Variants in NRG1 observed in about 807,000 individuals in gnomAD.
NRG1 encodes the protein pro-neuregulin-1, membrane-bound isoform.
A neutral mutation model predicts 63.8 loss-of-function variants in NRG1; 18 were observed. That is an observed-to-expected ratio of 0.28 (90% CI 0.19 to 0.42). The LOEUF (loss-of-function observed/expected upper bound fraction) is 0.42. NRG1 is among the 10% of genes least tolerant of loss of function. The probability of loss-of-function intolerance (pLI) is 1.00; values close to 1 mark genes in which losing one functional copy is unlikely to be tolerated. For missense variants in NRG1, 762 were observed against 814.7 expected, an observed-to-expected ratio of 0.94 and a Z score of 0.79; for synonymous variants, 302 against 301.3, an observed-to-expected ratio of 1.00 and a Z score of -0.02.
At chr8:32,638,783 T>C (rs1175292830) in intron 5 of NRG1, among the ~76,000 whole-genome samples, 1 of 152,204 alleles carries the variant, frequency 6.6e-6, no homozygotes, top group Non-Finnish European at 1.5e-5. Flanking sequence ...TGTAACAATT[T>C]TCTGTAAACA....
At chr8:32,104,240 A>G (rs943616164) in intron 1 of NRG1, among the ~76,000 whole-genome samples, 1 of 152,204 alleles carries the variant, frequency 6.6e-6, no homozygotes, top group Admixed American at 6.6e-5. Context: ...ACTGTAGGCA[A>G]TTGTTAATAC....
chr8:32,413,632 A>G (rs1815431160), intron 1 of NRG1, among the ~76,000 whole-genome samples: 1 of 152,176 alleles, frequency 6.6e-6, no homozygotes. Context: ...GAAATATACT[A>G]CAGAAAACAG....
intron 5 of NRG1, among the ~76,000 whole-genome samples, chr8:32,704,297 G>A (rs1418195511): frequency 3.9e-5 from 6 of 152,182 alleles, no homozygotes; most frequent in Non-Finnish European, 7.3e-5. Flanking sequence ...AGTGAATTTA[G>A]AGTTGAATCT....
chr8:32,159,305 C>T (rs950192696), intron 1 of NRG1, among the ~76,000 whole-genome samples: 1 of 151,930 alleles, frequency 6.6e-6, no homozygotes, highest in Non-Finnish European at 1.5e-5. Context: ...GAGGCCGAGG[C>T]GGGTGGATCA....
intron 1 of NRG1, among the ~76,000 whole-genome samples, chr8:32,048,348 A>C (rs1227221465): frequency 6.7e-6 from 1 of 149,072 alleles, no homozygotes; most frequent in African/African-American, 2.5e-5. Context: ...TGTATGTATG[A>C]ATATACATAT....
intron 1 of NRG1, among the ~76,000 whole-genome samples, chr8:31,862,681 T>A (rs1174319464): frequency 6.6e-6 from 1 of 152,188 alleles, no homozygotes. Context: ...GTTTTTTGTT[T>A]GTGTAGTAGC....
intron 1 of NRG1, among the ~76,000 whole-genome samples, chr8:32,045,977 A>G (rs959683876): frequency 1.3e-5 from 2 of 152,104 alleles, no homozygotes; most frequent in African/African-American, 4.8e-5. Context: ...TTTGCTCTGT[A>G]AAAGACACTA....
Position 31,854,748 on chromosome 8 carries a change from T to A in NRG1, c.37+215317T>A, listed in dbSNP as rs1827659772. On this transcript the variant is annotated intron_variant, in intron 1 of 10. Transcript: ENST00000519301. Reference sequence around the variant, plus strand: ...TTTCCTCCTTTCTCTTGTGGGCATTTAGTGCTATAAATTTCCCTCTACACA... The same window carrying A: ...TTTCCTCCTTTCTCTTGTGGGCATTAAGTGCTATAAATTTCCCTCTACACA... 2.6e-5 allele frequency among the ~76,000 whole-genome samples: 4 copies of A among 152,314 alleles called. No homozygotes were observed. The South Asian group carries it at 8.3e-4, about 32-fold the overall frequency.
At chr8:31,803,004 G>A (rs963810611) in intron 1 of NRG1, among the ~76,000 whole-genome samples, 4 of 152,104 alleles carry the variant, frequency 2.6e-5, no homozygotes, top group Admixed American at 2.0e-4. Context: ...GAGTTCTCCT[G>A]GCTTAGCATT....
At chr8:32,682,608 T>A (rs1043794949) in intron 5 of NRG1, among the ~76,000 whole-genome samples, 2 of 152,208 alleles carry the variant, frequency 1.3e-5, no homozygotes, top group African/African-American at 4.8e-5. Flanking sequence ...ACTTGGAATA[T>A]CTCGAACAGT....
At chr8:32,669,211 T>G (rs1237531494) in intron 5 of NRG1, among the ~76,000 whole-genome samples, 1 of 152,198 alleles carries the variant, frequency 6.6e-6, no homozygotes, top group East Asian at 1.9e-4. Flanking sequence ...ATGAAAATTA[T>G]GGAGAAAAAA....
At chr8:31,743,658 C>T (rs1378849845) in intron 1 of NRG1, among the ~76,000 whole-genome samples, 1 of 151,912 alleles carries the variant, frequency 6.6e-6, no homozygotes, top group East Asian at 1.9e-4. Context: ...TTGTAAACAA[C>T]AATTTATAGT....
At chr8:32,322,792 G>A (rs1241827185) in intron 1 of NRG1, among the ~76,000 whole-genome samples, 1 of 151,354 alleles carries the variant, frequency 6.6e-6, no homozygotes, top group East Asian at 1.9e-4. Context: ...GAAGCCCCAT[G>A]ATATATTTTC....
In NRG1 at chr8:32,124,676, C is replaced by T. The variant is rs117336186; in HGVS notation, c.38-471152C>T. On this transcript the variant is annotated intron_variant, in intron 1 of 10. Coordinates refer to the NRG1 transcript ENST00000519301. ...ACTGTATCTATAACGTGAATTTTTG[C>T]CCCTATTTTCAATGTCCCCCATCCT... Among the ~76,000 whole-genome samples the T allele has an allele frequency of 8.3e-3, 1,268 of 151,884 alleles. 14 individuals are homozygous for T. Among genetic ancestry groups the T allele is most frequent in the Middle Eastern group, 0.044 (13 of 294 alleles).
intron 5 of NRG1, among the ~76,000 whole-genome samples, chr8:32,696,498 A>G (rs1384085784): frequency 6.6e-6 from 1 of 152,294 alleles, no homozygotes; most frequent in Non-Finnish European, 1.5e-5. Context: ...AGAGCCCTGG[A>G]AATTATAATT....
At chr8:31,989,202 T>C (rs1301289916) in intron 1 of NRG1, among the ~76,000 whole-genome samples, 2 of 138,234 alleles carry the variant, frequency 1.4e-5, no homozygotes, top group African/African-American at 5.6e-5. Context: ...AAGCCGAGAT[T>C]ACTGTTGATT....
At chr8:31,649,252 C>G (rs1221775924) in intron 1 of NRG1, among the ~76,000 whole-genome samples, 1 of 152,180 alleles carries the variant, frequency 6.6e-6, no homozygotes, top group Non-Finnish European at 1.5e-5. Flanking sequence ...TGGTGCCCGG[C>G]CTCATATGGT....
intron 1 of NRG1, among the ~76,000 whole-genome samples, chr8:32,184,365 G>A (rs12550195): frequency 6.6e-6 from 1 of 151,768 alleles, no homozygotes; most frequent in Non-Finnish European, 1.5e-5. Context: ...AAAAATCTCA[G>A]AGCCTAATAT....
chr8:31,867,272 CTT>C (rs1473913172), intron 1 of NRG1, among the ~76,000 whole-genome samples: 1 of 152,150 alleles, frequency 6.6e-6, no homozygotes, highest in Non-Finnish European at 1.5e-5. Context: ...TCCTATTAAC[CTT>C]GGGGAAAGGT....
Sources: gnomAD v4.1 joint callset for allele counts (sites outside exome capture counted in the v4.1 genomes callset) on GRCh38, gnomAD v4.1.1 for gene constraint, MANE v1.5 for transcripts, NCBI Gene and HGNC (gene_info 2026-07-23, HGNC 2026-07-21) for gene names.